Variants in TTLL7 observed in about 807,000 individuals in gnomAD.
TTLL7 encodes tubulin polyglutamylase TTLL7.
Under a neutral mutation model 120.2 loss-of-function variants are expected in TTLL7, and 53 were observed. The ratio of observed to expected loss-of-function variants is 0.44; its 90% CI spans 0.35 to 0.55. The LOEUF (loss-of-function observed/expected upper bound fraction) is 0.55, where lower values mean the gene tolerates loss of function less well. Ranked by LOEUF, TTLL7 falls within the 20% of genes least tolerant of loss-of-function variation. TTLL7 has a pLI of 0.00. For missense variants in TTLL7, 803 were observed against 1,054.7 expected (o/e 0.76, Z 3.31); for synonymous variants, 353 against 351.7 (o/e 1.00, Z -0.04).
At chr1:83,898,719 GA>G (rs943740845) in intron 18 of TTLL7, among the ~76,000 whole-genome samples, 4 of 151,530 alleles carry the variant, frequency 2.6e-5, no homozygotes, top group African/African-American at 7.3e-5. Flanking sequence ...AAGAGGTGGA[GA>G]AAAAAATTAT....
chr1:83,914,731 T>C (rs1657993866), intron 14 of TTLL7, among the ~76,000 whole-genome samples: 1 of 152,170 alleles, frequency 6.6e-6, no homozygotes. Context: ...AATCCCTTTC[T>C]TCTCTATGGG....
chr1:83,873,226 T>C (rs1653603731), intron 20 of TTLL7, among the ~76,000 whole-genome samples: 2 of 152,172 alleles, frequency 1.3e-5, no homozygotes, highest in Non-Finnish European at 2.9e-5. Context: ...AAAAAAAGCA[T>C]ATAAAATTAC....
intron 14 of TTLL7, among the ~76,000 whole-genome samples, chr1:83,916,125 G>A (rs915676837): frequency 2.0e-5 from 3 of 152,268 alleles, no homozygotes; most frequent in Middle Eastern, 3.4e-3. Flanking sequence ...ATTTGACCCA[G>A]CCATCCCATT....
chr1:83,925,941 C>T (rs1031230727), intron 10 of TTLL7, among the ~76,000 whole-genome samples: 4 of 151,592 alleles, frequency 2.6e-5, no homozygotes, highest in Admixed American at 1.3e-4. Flanking sequence ...CTCAACATGG[C>T]GAAACCCCGT....
chr1:83,883,708 C>T (rs571590022), intron 19 of TTLL7, among the ~76,000 whole-genome samples: 1 of 152,102 alleles, frequency 6.6e-6, no homozygotes, highest in Admixed American at 6.6e-5. Context: ...GGAATTTAGG[C>T]TTTCTCGGAA....
At chr1:83,998,031 T>C (rs576270433) in intron 1 of TTLL7, among the ~76,000 whole-genome samples, 2 of 152,356 alleles carry the variant, frequency 1.3e-5, no homozygotes, top group South Asian at 4.1e-4. Context: ...GTTGCTGTTG[T>C]TTGAGATTAC....
intron 9 of TTLL7, among the ~76,000 whole-genome samples, chr1:83,932,950 T>C (rs576165310): frequency 2.2e-4 from 33 of 152,266 alleles, no homozygotes; most frequent in Middle Eastern, 6.8e-3. Context: ...GGAAAAAATA[T>C]AAAAATTGTC....
chr1:83,988,762 G>A (rs1418896720), intron 1 of TTLL7, among the ~76,000 whole-genome samples: 2 of 151,876 alleles, frequency 1.3e-5, no homozygotes, highest in East Asian at 3.9e-4. Flanking sequence ...AAGCTGGGGT[G>A]CGGTGGCACG....
At chr1:83,877,634 A>G (rs1654041943) in intron 20 of TTLL7, among the ~76,000 whole-genome samples, 1 of 152,042 alleles carries the variant, frequency 6.6e-6, no homozygotes, top group Non-Finnish European at 1.5e-5. Flanking sequence ...ATTGTTCGTA[A>G]CATTTCCTTA....
intron 10 of TTLL7, among the ~76,000 whole-genome samples, chr1:83,924,306 T>C (rs956111969): frequency 1.3e-5 from 2 of 152,172 alleles, no homozygotes; most frequent in African/African-American, 4.8e-5. Context: ...AAATAGAATG[T>C]CAAACTTGAG....
chr1:83,914,794 G>GT (rs1223998776), intron 14 of TTLL7, among the ~76,000 whole-genome samples: 1 of 151,960 alleles, frequency 6.6e-6, no homozygotes, highest in Non-Finnish European at 1.5e-5. Context: ...TTACTCCCTG[G>GT]TTTTTTATTT....
intron 1 of TTLL7, among the ~76,000 whole-genome samples, chr1:83,993,944 T>C (rs1341821613): frequency 1.3e-5 from 2 of 152,230 alleles, no homozygotes; most frequent in Admixed American, 6.5e-5. Flanking sequence ...TTTTCTACTT[T>C]AACTTAACTC....
intron 10 of TTLL7, among the ~76,000 whole-genome samples, chr1:83,927,977 T>C (rs77133363): frequency 0.041 from 6,278 of 152,236 alleles, 153 homozygotes; most frequent in Middle Eastern, 0.099. Context: ...TGCTAAATTC[T>C]CTGTGGAACA....
At chr1:83,980,806 T>C (rs796712035) in intron 1 of TTLL7, 67 of 152,220 alleles carry the variant, frequency 4.4e-4, no homozygotes, top group African/African-American at 1.5e-3. Context: ...TTACTCAAAG[T>C]ATGTATGGGA....
intron 14 of TTLL7, among the ~76,000 whole-genome samples, chr1:83,911,683 TAAGA>T (rs901970403): frequency 3.3e-5 from 5 of 152,006 alleles, no homozygotes; most frequent in African/African-American, 1.2e-4. Context: ...AATATAAAAA[TAAGA>T]AATATAATCA....
intron 1 of TTLL7, among the ~76,000 whole-genome samples, chr1:83,978,820 T>A (rs984308125): frequency 2.0e-5 from 3 of 151,722 alleles, no homozygotes; most frequent in Non-Finnish European, 2.9e-5. Context: ...GACATTTGAC[T>A]GTTATTATCA....
chr1:83,887,524 C>T (rs989043696), intron 19 of TTLL7, among the ~76,000 whole-genome samples: 7 of 151,992 alleles, frequency 4.6e-5, no homozygotes, highest in Admixed American at 2.0e-4. Context: ...AAATAAAATC[C>T]GATATTAAAC....
intron 19 of TTLL7, among the ~76,000 whole-genome samples, chr1:83,884,071 G>C (rs1376540794): frequency 6.6e-6 from 1 of 151,322 alleles, no homozygotes; most frequent in African/African-American, 2.4e-5. Flanking sequence ...CAATTCCTAA[G>C]TTTACCATCA....
chr1:83,913,668 A>T (rs1657862675), intron 14 of TTLL7, among the ~76,000 whole-genome samples: 2 of 152,208 alleles, frequency 1.3e-5, no homozygotes, highest in South Asian at 4.1e-4. Context: ...GACTTCAACA[A>T]CTTTGAAATA....
Sources: allele counts gnomAD v4.1 joint callset (sites outside exome capture counted in the v4.1 genomes callset), GRCh38; gene constraint gnomAD v4.1.1; transcripts MANE v1.5; gene names NCBI Gene and HGNC (gene_info 2026-07-23, HGNC 2026-07-21).